APBB2: variants seen among roughly 807,000 people sequenced by gnomAD.
APBB2 encodes the protein amyloid beta precursor protein binding family B member 2.
In APBB2, 38 loss-of-function variants were observed where a neutral mutation model predicts 82.5. That is an observed-to-expected ratio of 0.46 (90% confidence interval 0.36 to 0.60). APBB2 has a LOEUF of 0.60. APBB2 is among the 20% of genes least tolerant of loss of function. APBB2 has a pLI of 0.00. For missense variants in APBB2, 772 were observed against 972.3 expected (o/e 0.79, Z 2.74); for synonymous variants, 341 against 368.2 (o/e 0.93, Z 0.85).
Position 40,814,682 on chromosome 4 carries a change from C to A in APBB2, c.*1410G>T, listed in dbSNP as rs985422046. On this transcript the variant is annotated 3_prime_UTR_variant, in exon 18 of 18. Transcript: ENST00000508593. Reference sequence around the variant, plus strand: ...TGACATTAAGAAGAAGTAAACAAGACTAATATTGAGATTGATCGCCTTAGC... The same window carrying A: ...TGACATTAAGAAGAAGTAAACAAGAATAATATTGAGATTGATCGCCTTAGC... 6.6e-6 allele frequency: 1 copy of A among 152,198 alleles called. No individual in the cohort carries two copies. Among genetic ancestry groups the A allele is most frequent in the African/African-American group, 2.4e-5 (1 of 41,426 alleles). 9.4% of individuals were successfully genotyped at this position (152,198 alleles called of 1,614,324 possible).
At chr4:41,051,211 G>C (rs2154459753) in intron 4 of APBB2, among the ~76,000 whole-genome samples, 1 of 152,282 alleles carries the variant, frequency 6.6e-6, no homozygotes, top group East Asian at 1.9e-4. Flanking sequence ...AGCTGGGAAG[G>C]GGACAAGCCA....
At chr4:40,844,697 G>C (rs1338567767) in intron 12 of APBB2, among the ~76,000 whole-genome samples, 1 of 152,194 alleles carries the variant, frequency 6.6e-6, no homozygotes, top group Non-Finnish European at 1.5e-5. Context: ...CAGAGACCTG[G>C]ATGCTGGTCC....
At chr4:40,844,108 G>A (rs568998551) in intron 12 of APBB2, among the ~76,000 whole-genome samples, 143 of 151,282 alleles carry the variant, frequency 9.5e-4, no homozygotes, top group African/African-American at 3.4e-3. Flanking sequence ...GAAAGAGGTG[G>A]CTAAAAATTC....
At chr4:41,113,342 A>C (rs904963001) in intron 2 of APBB2, among the ~76,000 whole-genome samples, 5 of 152,208 alleles carry the variant, frequency 3.3e-5, no homozygotes, top group African/African-American at 1.2e-4. Flanking sequence ...AATCCTAAAA[A>C]TCTCAATATC....
chr4:40,942,611 T>C (rs575032181), intron 7 of APBB2, among the ~76,000 whole-genome samples: 5 of 151,992 alleles, frequency 3.3e-5, no homozygotes, highest in African/African-American at 1.2e-4. Context: ...ACAACAGATT[T>C]TTAAGAGCAG....
intron 12 of APBB2, among the ~76,000 whole-genome samples, chr4:40,851,506 G>A (rs527626743): frequency 1.3e-5 from 2 of 152,154 alleles, no homozygotes; most frequent in South Asian, 2.1e-4. Flanking sequence ...GCTCTGATAC[G>A]ACAGAATCAG....
chr4:41,214,050 G>A (rs1780010914), intron 1 of APBB2, among the ~76,000 whole-genome samples: 1 of 152,344 alleles, frequency 6.6e-6, no homozygotes, highest in East Asian at 1.9e-4. Flanking sequence ...CCCCGCCCCA[G>A]GCCCTGCCAA....
intron 3 of APBB2, among the ~76,000 whole-genome samples, chr4:41,096,015 C>A (rs2153961989): frequency 6.6e-6 from 1 of 152,308 alleles, no homozygotes; most frequent in Non-Finnish European, 1.5e-5. Flanking sequence ...TCTGGATATG[C>A]CATGAGTTCC....
At chr4:40,992,725 C>G (rs369897368) in intron 6 of APBB2, among the ~76,000 whole-genome samples, 10 of 152,174 alleles carry the variant, frequency 6.6e-5, no homozygotes, top group African/African-American at 2.4e-4. Flanking sequence ...AGCAGAAGAC[C>G]GACCCCCGAT....
At chr4:40,981,127 C>G (rs1210531383) in intron 6 of APBB2, among the ~76,000 whole-genome samples, 1 of 152,100 alleles carries the variant, frequency 6.6e-6, no homozygotes. Flanking sequence ...GTTTATAGTG[C>G]TAGGGTTAGC....
chr4:41,063,176 C>T (rs1324293488), intron 4 of APBB2, among the ~76,000 whole-genome samples: 1 of 152,178 alleles, frequency 6.6e-6, no homozygotes, highest in Non-Finnish European at 1.5e-5. Context: ...GCAGTACATG[C>T]CCTTCAACTT....
At chr4:40,839,566 T>C (rs1388982740) in intron 12 of APBB2, among the ~76,000 whole-genome samples, 1 of 152,160 alleles carries the variant, frequency 6.6e-6, no homozygotes, top group Admixed American at 6.5e-5. Flanking sequence ...ATGATAGGCA[T>C]TCAATAAATG....
At chr4:40,856,841 C>T (rs1485378395) in intron 12 of APBB2, 1 of 702,200 alleles carries the variant, frequency 1.4e-6, no homozygotes, top group Non-Finnish European at 1.8e-6. Context: ...CTCTTCAGCC[C>T]TTCCAGCCGT....
chr4:41,025,136 G>A (rs540314086), intron 5 of APBB2, among the ~76,000 whole-genome samples: 11 of 152,046 alleles, frequency 7.2e-5, no homozygotes, highest in Non-Finnish European at 1.0e-4. Context: ...TGATCTCTCC[G>A]GTCCTCCTTC....
At chr4:40,875,756 T>C (rs1224581592) in intron 12 of APBB2, among the ~76,000 whole-genome samples, 3 of 152,184 alleles carry the variant, frequency 2.0e-5, no homozygotes, top group Non-Finnish European at 4.4e-5. Flanking sequence ...AGTTGTTAAT[T>C]TGTAGAACAT....
At chr4:41,023,096 A>C (rs962627142) in intron 5 of APBB2, among the ~76,000 whole-genome samples, 1 of 152,200 alleles carries the variant, frequency 6.6e-6, no homozygotes, top group African/African-American at 2.4e-5. Flanking sequence ...CGAAAGAACA[A>C]GGAATATTTA....
chr4:41,128,540 C>T (rs1262718665), intron 2 of APBB2, among the ~76,000 whole-genome samples: 3 of 152,220 alleles, frequency 2.0e-5, no homozygotes, highest in African/African-American at 7.2e-5. Flanking sequence ...ATTGTAATCA[C>T]TTTAATCTCA....
chr4:41,162,598 A>G (rs569168518), intron 1 of APBB2, among the ~76,000 whole-genome samples: 1 of 152,298 alleles, frequency 6.6e-6, no homozygotes, highest in South Asian at 2.1e-4. Flanking sequence ...TCCTGCCTGT[A>G]ATCCTAGTAC....
chr4:40,911,152 T>A (rs1355296993), intron 10 of APBB2, among the ~76,000 whole-genome samples: 1 of 152,200 alleles, frequency 6.6e-6, no homozygotes, highest in East Asian at 1.9e-4. Flanking sequence ...CCACACAGAT[T>A]TTTGTCAAGC....
Sources: allele counts gnomAD v4.1 joint callset (sites outside exome capture counted in the v4.1 genomes callset), GRCh38; gene constraint gnomAD v4.1.1; transcripts MANE v1.5; gene names NCBI Gene and HGNC (gene_info 2026-07-23, HGNC 2026-07-21).